The following SNRPB2 variants were observed in gnomAD, a reference collection of about 807,000 sequenced individuals.
The protein encoded by SNRPB2 is U2 small nuclear ribonucleoprotein B''.
In SNRPB2, 16 loss-of-function variants were observed where a neutral mutation model predicts 26.3. The observed-to-expected ratio is 0.61, with a 90% CI of 0.41 to 0.92. The LOEUF is 0.92. SNRPB2 is among the 40% of genes least tolerant of loss of function. The pLI is 0.00. For missense variants in SNRPB2, 179 were observed against 268.1 expected, an observed-to-expected ratio of 0.67 and a Z score of 2.32; for synonymous variants, 75 against 89.0, an observed-to-expected ratio of 0.84 and a Z score of 0.88.
Position 16,738,959 on chromosome 20 carries a change from G to A in SNRPB2, c.429+57G>A, listed in dbSNP as rs1011260628. ...AAATAAGATTGTAAAAATTACAGCA[G>A]TGGTATAAAACAATTTCCATGTCTC... On this transcript the variant is annotated intron_variant, in intron 5 of 6. Coordinates refer to ENST00000246071, the MANE Select transcript of SNRPB2 (RefSeq NM_003092.5). 6 of 1,149,498 alleles carry A rather than the reference G, an allele frequency of 5.2e-6. 1 individual carries two copies. Among genetic ancestry groups the A allele is most frequent in the Non-Finnish European group, 6.6e-6 (5 of 762,020 alleles). 71.2% of individuals were successfully genotyped at this position (1,149,498 alleles called of 1,614,324 possible).
Position 16,737,298 on chromosome 20 carries a change from C to A in SNRPB2, c.275C>A (p.Ser92Ter). 6.3e-7 allele frequency: 1 copy of A among 1,598,618 alleles called. No homozygotes were observed. The highest frequency in any genetic ancestry group is 8.5e-7 in the Non-Finnish European group (1 of 1,174,598). Reference sequence around the variant, plus strand: ...GCAAAAACAGATTCGGATATAATATCAAAAATGCGTGGAACTTTTGCTGAC... The same window carrying A: ...GCAAAAACAGATTCGGATATAATATAAAAAATGCGTGGAACTTTTGCTGAC... ...QYAKTDSDII[S>*]KMRGTFADKE... The change falls in exon 4 of 7, where the codon TCA becomes TAA. Residue 92 changes from serine to a stop codon, truncating the protein, a stop_gained. Coordinates refer to ENST00000246071, the MANE Select transcript of SNRPB2 (RefSeq NM_003092.5). LOFTEE classifies it high-confidence loss of function.
At chr20:16,734,313 G>A (rs191649683) in intron 3 of SNRPB2, among the ~76,000 whole-genome samples, 5 of 152,168 alleles carry the variant, frequency 3.3e-5, no homozygotes, top group African/African-American at 1.2e-4. Context: ...GAGTTCTTTG[G>A]GCTGTCTTGT....
At chr20:16,735,305 T>TTGTACAGATTACTACTTTGTACAGTAATC (rs2072418161) in intron 3 of SNRPB2, among the ~76,000 whole-genome samples, 1 of 152,148 alleles carries the variant, frequency 6.6e-6, no homozygotes, top group African/African-American at 2.4e-5. Flanking sequence ...ACAAAGTAAT[T>TTGTACAGATTACTACTTTGTACAGTAATC]TGTACAGATT....
In SNRPB2 at chr20:16,731,707, A is replaced by G; in HGVS notation, c.5A>G (p.Asp2Gly). Residue 2 changes from aspartate (D) to glycine (G), a missense_variant, in exon 2 of 7, where the codon GAT becomes GGT. Coordinates refer to ENST00000246071, the MANE Select transcript of SNRPB2 (RefSeq NM_003092.5). The stretch of plus-strand genomic sequence containing the variant: ...CCTGAAGAATTTAACACAAACATGG[A>G]TATCAGACCAAATCATACAATTTAT... M[D>G]IRPNHTIYIN... 6.2e-7 allele frequency: 1 copy of G among 1,612,022 alleles called. No homozygotes were observed. Among genetic ancestry groups the G allele is most frequent in the East Asian group, 2.2e-5 (1 of 44,746 alleles).
At chr20:16,733,338 C>T (rs887723095) in intron 3 of SNRPB2, among the ~76,000 whole-genome samples, 5 of 152,344 alleles carry the variant, frequency 3.3e-5, no homozygotes, top group Non-Finnish European at 7.3e-5. Flanking sequence ...AACCCTTTAA[C>T]ATTATCTAAG....
At chr20:16,732,781 A>C (rs1306994454) in intron 3 of SNRPB2, among the ~76,000 whole-genome samples, 1 of 152,248 alleles carries the variant, frequency 6.6e-6, no homozygotes, top group Non-Finnish European at 1.5e-5. Context: ...GAAAAATGAT[A>C]GGTTTAAACT....
chr20:16,733,683 A>G (rs1276972503), intron 3 of SNRPB2, among the ~76,000 whole-genome samples: 1 of 152,246 alleles, frequency 6.6e-6, no homozygotes, highest in African/African-American at 2.4e-5. Flanking sequence ...GCAGTCCCAG[A>G]TGAGAACAGG....
At chr20:16,733,303 C>A (rs1334996162) in intron 3 of SNRPB2, among the ~76,000 whole-genome samples, 1 of 152,264 alleles carries the variant, frequency 6.6e-6, no homozygotes, top group Non-Finnish European at 1.5e-5. Flanking sequence ...GTTACCTGTT[C>A]TTTTATGTAC....
chr20:16,741,276 A>G lies in SNRPB2; in HGVS notation c.*271A>G, dbSNP rs2072460914. ...TATCATCAAATGACTTCTAGTCTAG[A>G]ACACACTTAAGGTTTATAAACTTGT... On this transcript the variant is annotated 3_prime_UTR_variant, in exon 7 of 7. Coordinates refer to ENST00000246071, the MANE Select transcript of SNRPB2 (RefSeq NM_003092.5). The G allele has an allele frequency of 3.9e-6, 1 of 254,750 alleles. No individual in the cohort carries two copies. Among genetic ancestry groups the G allele is most frequent in the Non-Finnish European group, 7.5e-6 (1 of 134,052 alleles). The allele number at this position is 254,750 out of a possible 1,614,324, so 15.8% of individuals were successfully genotyped here. A position where few individuals can be genotyped will look rare whatever the true frequency, so the allele number is the denominator to read the frequency against.
rs2072461098 is a variant in SNRPB2 at position 16,741,307 on chromosome 20, AG to A, written c.*304del. The A allele has an allele frequency of 3.6e-5, 7 of 193,474 alleles. No homozygotes were observed. In the East Asian group the frequency reaches 8.5e-4, roughly 24 times the overall value. The allele number at this position is 193,474 out of a possible 1,614,324, so 12.0% of individuals were successfully genotyped here. A position where few individuals can be genotyped will look rare whatever the true frequency, so the allele number is the denominator to read the frequency against. ...CTTAAGGTTTATAAACTTGTGTAAT[AG>A]GATGCTTTTCTAGTGTTACTTTGGA... On this transcript the variant is annotated 3_prime_UTR_variant, in exon 7 of 7. Transcript: ENST00000246071.
intron 3 of SNRPB2, among the ~76,000 whole-genome samples, chr20:16,733,949 TA>T (rs1488845902): frequency 6.6e-6 from 1 of 152,176 alleles, no homozygotes; most frequent in Non-Finnish European, 1.5e-5. Context: ...TCTCTCATAG[TA>T]GTATAAAGAA....
intron 6 of SNRPB2, 135 bp from the exon 7 acceptor site, chr20:16,740,711 C>T: frequency 1.4e-6 from 1 of 705,858 alleles, no homozygotes; most frequent in Non-Finnish European, 2.3e-6. Flanking sequence ...TGAGGCTCTT[C>T]CGTCTACTCA....
intron 5 of SNRPB2, among the ~76,000 whole-genome samples, chr20:16,739,786 T>G (rs2072451452): frequency 6.6e-6 from 1 of 152,140 alleles, no homozygotes; most frequent in African/African-American, 2.4e-5. Context: ...ATAAACTAAG[T>G]GTTTGTTACT....
chr20:16,739,359 C>G (rs773910687), intron 5 of SNRPB2, among the ~76,000 whole-genome samples: 14 of 151,924 alleles, frequency 9.2e-5, no homozygotes, highest in Non-Finnish European at 1.9e-4. Context: ...CAAATAAATT[C>G]CAGCCTTTTT....
chr20:16,740,753 T>G, intron 6 of SNRPB2, 93 bp from the exon 7 acceptor site: 1 of 917,274 alleles, frequency 1.1e-6, no homozygotes, highest in Non-Finnish European at 1.7e-6. Flanking sequence ...TTATTTTTCT[T>G]GGACTAGTAT....
chr20:16,739,905 A>ATTT (rs200518385), intron 5 of SNRPB2, among the ~76,000 whole-genome samples: 5 of 139,364 alleles, frequency 3.6e-5, no homozygotes, highest in Non-Finnish European at 4.7e-5. Context: ...TCTAGTTCCA[A>ATTT]TTTTTTTTTT....
chr20:16,736,649 GA>G (rs1439228852), intron 3 of SNRPB2, among the ~76,000 whole-genome samples: 1 of 152,126 alleles, frequency 6.6e-6, no homozygotes, highest in Non-Finnish European at 1.5e-5. Flanking sequence ...CTAGAATGGC[GA>G]TTTTCTTTAT....
intron 1 of SNRPB2, chr20:16,730,502 C>G (rs1328709833): frequency 2.6e-5 from 4 of 152,216 alleles, no homozygotes; most frequent in Non-Finnish European, 4.4e-5. Flanking sequence ...CCCCTTTGTC[C>G]CCCTACCTTC....
At chr20:16,733,217 G>C (rs1166427276) in intron 3 of SNRPB2, among the ~76,000 whole-genome samples, 1 of 152,152 alleles carries the variant, frequency 6.6e-6, no homozygotes, top group African/African-American at 2.4e-5. Flanking sequence ...GTTGTTCTTT[G>C]GTCTAATGCA....
Sources: allele counts gnomAD v4.1 joint callset (sites outside exome capture counted in the v4.1 genomes callset), GRCh38; gene constraint gnomAD v4.1.1; transcripts MANE v1.5; gene names NCBI Gene and HGNC (gene_info 2026-07-23, HGNC 2026-07-21).